LTV1: variants seen among roughly 807,000 people sequenced by gnomAD.
The protein encoded by LTV1 is protein LTV1 homolog.
A neutral mutation model predicts 59.9 loss-of-function variants in LTV1; 39 were observed. That is an observed-to-expected ratio of 0.65 (90% CI 0.50 to 0.85). The LOEUF is 0.85. Among genes scored for constraint, LTV1 ranks in the 40% least tolerant of loss-of-function variants. The probability of loss-of-function intolerance (pLI) is 0.00; values close to 1 mark genes in which losing one functional copy is unlikely to be tolerated. For missense variants in LTV1, 493 were observed against 549.1 expected (o/e 0.90, Z 1.02); for synonymous variants, 171 against 189.5 (o/e 0.90, Z 0.80).
rs1776830295 is a variant in LTV1, at chr6:143,843,362, GC to G, written c.-115del. ...GGTGACGTTATCGCCGGGTCCTGGGGCTGCACGTGTGGTGAGGCCTACAGAA... is the reference window on the plus strand; with the variant it reads ...GGTGACGTTATCGCCGGGTCCTGGGGTGCACGTGTGGTGAGGCCTACAGAA... On this transcript the variant is annotated 5_prime_UTR_variant, in exon 1 of 11. Coordinates refer to ENST00000367576, the MANE Select transcript of LTV1 (RefSeq NM_032860.5). The G allele has an allele frequency of 7.8e-7, 1 of 1,277,728 alleles. No individual in the cohort carries two copies. The highest frequency in any genetic ancestry group is 1.1e-6 in the Non-Finnish European group (1 of 883,466). The allele number at this position is 1,277,728 out of a possible 1,614,324, so 79.1% of individuals were successfully genotyped here.
chr6:143,850,535 G>A (rs544494585), intron 4 of LTV1, among the ~76,000 whole-genome samples: 1 of 152,238 alleles, frequency 6.6e-6, no homozygotes, highest in African/African-American at 2.4e-5. Context: ...TACTTGTAGT[G>A]TAATTTTGAA....
chr6:143,844,528 G>T lies in LTV1; in HGVS notation c.46G>T (p.Val16Leu). 1 of 1,614,118 alleles carries T rather than the reference G, an allele frequency of 6.2e-7. No homozygotes were observed. Among genetic ancestry groups the T allele is most frequent in the Non-Finnish European group, 8.5e-7 (1 of 1,180,000 alleles). ...GCCCTTTATAGAGAAGAAGAAAGCT[G>T]TGTCTTTTCACTTGGTCCACCGGAG... ...KKPFIEKKKAVSFHLVHRSQR... is the reference protein window; with the variant it reads ...KKPFIEKKKALSFHLVHRSQR... Residue 16 changes from valine to leucine, a missense_variant, in exon 2 of 11, where the codon GTG (valine) becomes TTG (leucine). Physicochemically the swap from Val to Leu is conservative, Grantham distance 32 (BLOSUM62 1). Transcript: ENST00000367576.
At position 143,855,953 on chromosome 6, in the gene LTV1, G is replaced by GGT. The variant is rs1777068992; in HGVS notation, c.398-1349_398-1348dup. Among the ~76,000 whole-genome samples, 1 of 139,948 alleles carries GGT rather than the reference G, an allele frequency of 7.1e-6. No homozygotes were observed. The allele number at this position is 139,948 out of a possible 152,430, so 91.8% of individuals were successfully genotyped here. On this transcript the variant is annotated intron_variant, in intron 4 of 10. Transcript: ENST00000367576. The surrounding 1 kb of genome is among the most constrained non-coding windows in gnomAD (Gnocchi z 4.6). The stretch of plus-strand genomic sequence containing the variant: ...TGCTCTTCTCGAGGAGTATCTTTGT[G>GGT]GTTCCTGAATTTGAATGTTGGCCTC...
chr6:143,845,479 G>T (rs762329049), intron 2 of LTV1, among the ~76,000 whole-genome samples: 1 of 152,118 alleles, frequency 6.6e-6, no homozygotes, highest in African/African-American at 2.4e-5. Flanking sequence ...GGGCTCAAGC[G>T]ATCCTCCCAC....
Position 143,844,595 on chromosome 6 carries a change from G to A in LTV1, c.113G>A (p.Arg38Lys). 2 of 1,613,906 alleles carry A rather than the reference G, an allele frequency of 1.2e-6. No individual in the cohort carries two copies. The highest frequency in any genetic ancestry group is 8.5e-7 in the Non-Finnish European group (1 of 1,179,956). ...GCAGCAGATGAGAGTGCACCCCAGA[G>A]GGTTCTATTGCCCACACAAAAAGTA... ...PLAADESAPQ[R>K]VLLPTQKIDN... Residue 38 changes from arginine (R) to lysine (K), a missense_variant, in exon 2 of 11, where the codon AGG (arginine) becomes AAG (lysine). By Grantham distance (26) the Arg-to-Lys change is conservative (BLOSUM62 2). Coordinates refer to ENST00000367576, the MANE Select transcript of LTV1 (RefSeq NM_032860.5).
chr6:143,861,743 T>C (rs975894735), intron 7 of LTV1, among the ~76,000 whole-genome samples: 5 of 151,730 alleles, frequency 3.3e-5, no homozygotes, highest in African/African-American at 1.2e-4. Context: ...CACTATAATA[T>C]ATAGATCCCA....
chr6:143,851,430 T>C (rs963819719), intron 4 of LTV1, among the ~76,000 whole-genome samples: 2 of 150,628 alleles, frequency 1.3e-5, no homozygotes, highest in African/African-American at 4.9e-5. Context: ...GTTCGAGTTA[T>C]TTTTAACAGG....
chr6:143,851,854 G>T (rs1776987822), intron 4 of LTV1, among the ~76,000 whole-genome samples: 1 of 152,110 alleles, frequency 6.6e-6, no homozygotes, highest in African/African-American at 2.4e-5. Flanking sequence ...TTAGTTTGCT[G>T]AGAGTGATGG....
chr6:143,859,347 C>A (rs1377187053), intron 6 of LTV1, among the ~76,000 whole-genome samples: 1 of 152,198 alleles, frequency 6.6e-6, no homozygotes, highest in Non-Finnish European at 1.5e-5. Flanking sequence ...CACCTCCTAA[C>A]ATCATCTCTA....
chr6:143,847,753 C>T (rs904986990), intron 3 of LTV1, among the ~76,000 whole-genome samples: 2 of 152,194 alleles, frequency 1.3e-5, no homozygotes, highest in African/African-American at 4.8e-5. Flanking sequence ...ATGGACACTT[C>T]AGTGACCTTT....
intron 3 of LTV1, among the ~76,000 whole-genome samples, chr6:143,846,555 ACT>A (rs985351924): frequency 4.6e-5 from 7 of 152,200 alleles, no homozygotes; most frequent in Admixed American, 3.3e-4. Context: ...AGGATCATAA[ACT>A]CTTGTTCTAA....
chr6:143,863,484 AGCT>A lies in LTV1; in HGVS notation c.1390_1392del (p.Leu464del). ...CTGGAGAAAAGAAGGCAAGAAAAAG[AGCT>A]GCTGAACTTGAAGAAGAATGTTGAG... On this transcript the variant is annotated inframe_deletion, in exon 11 of 11. Coordinates refer to ENST00000367576, the MANE Select transcript of LTV1 (RefSeq NM_032860.5). This position sits in a 1 kb window ranked among gnomAD's most constrained non-coding sequence, Gnocchi z 4.5. 6.2e-7 allele frequency: 1 copy of A among 1,613,876 alleles called. No homozygotes were observed. Among genetic ancestry groups the A allele is most frequent in the Non-Finnish European group, 8.5e-7 (1 of 1,179,896 alleles).
At chr6:143,847,906 A>G (rs1776919456) in intron 3 of LTV1, among the ~76,000 whole-genome samples, 1 of 152,246 alleles carries the variant, frequency 6.6e-6, no homozygotes, top group African/African-American at 2.4e-5. Context: ...GAAATAATGA[A>G]TAACCCCTAG....
At chr6:143,853,750 T>C (rs552520734) in intron 4 of LTV1, among the ~76,000 whole-genome samples, 4 of 152,126 alleles carry the variant, frequency 2.6e-5, no homozygotes, top group Non-Finnish European at 5.9e-5. Context: ...TCATTGGTTC[T>C]GTTTATGTAA....
At chr6:143,851,820 G>A (rs553916370) in intron 4 of LTV1, among the ~76,000 whole-genome samples, 8 of 152,116 alleles carry the variant, frequency 5.3e-5, no homozygotes, top group Admixed American at 1.3e-4. Flanking sequence ...GAGAACATGC[G>A]GTGTTTGGTT....
intron 4 of LTV1, among the ~76,000 whole-genome samples, chr6:143,851,862 T>C (rs1272053610): frequency 1.3e-5 from 2 of 152,206 alleles, no homozygotes; most frequent in African/African-American, 4.8e-5. Flanking sequence ...CTGAGAGTGA[T>C]GGTTTCCAGC....
In LTV1 at chr6:143,862,773, T is replaced by C; in HGVS notation, c.1064-71T>C. On this transcript the variant is annotated intron_variant, in intron 8 of 10. Transcript: ENST00000367576. This position sits in a 1 kb window ranked among gnomAD's most constrained non-coding sequence, Gnocchi z 4.2. ...TGAAAACACAAGGTCAGAAATATAG[T>C]AGGAATTCAGTAATGCTTTGTGGAA... 2.1e-6 allele frequency: 2 copies of C among 936,574 alleles called. No individual in the cohort carries two copies. The highest frequency in any genetic ancestry group is 3.5e-6 in the Non-Finnish European group (2 of 566,882). The allele number at this position is 936,574 out of a possible 1,614,324, so 58.0% of individuals were successfully genotyped here.
chr6:143,845,031 T>C (rs371980110), intron 2 of LTV1, among the ~76,000 whole-genome samples: 11 of 152,288 alleles, frequency 7.2e-5, no homozygotes, highest in Non-Finnish European at 1.5e-4. Flanking sequence ...GGCATGATGT[T>C]ATTTAGGGCA....
rs1373254777 is a variant in LTV1, at chr6:143,863,648, A to G, written c.*121A>G. ...TACTGGCAGATAAGAGGAAAATACA[A>G]TATTTGTATTATTTTTATACTAGTA... On this transcript the variant is annotated 3_prime_UTR_variant, in exon 11 of 11. Coordinates refer to ENST00000367576, the MANE Select transcript of LTV1 (RefSeq NM_032860.5). This position sits in a 1 kb window ranked among gnomAD's most constrained non-coding sequence, Gnocchi z 4.5. 7 of 563,660 alleles carry G rather than the reference A, an allele frequency of 1.2e-5. No homozygotes were observed. In the East Asian group the frequency reaches 2.0e-4, roughly 16 times the overall value. The allele number at this position is 563,660 out of a possible 1,614,324, so 34.9% of individuals were successfully genotyped here.
Sources: gnomAD v4.1 joint callset for allele counts (sites outside exome capture counted in the v4.1 genomes callset) on GRCh38, gnomAD v4.1.1 for gene constraint, Gnocchi (gnomAD v3.1) non-coding constraint, MANE v1.5 for transcripts, NCBI Gene and HGNC (gene_info 2026-07-23, HGNC 2026-07-21) for gene names.